Variants in BICD1 observed in about 807,000 individuals in gnomAD.
BICD1 encodes protein bicaudal D homolog 1.
In BICD1, 35 loss-of-function variants were observed where a neutral mutation model predicts 92.5. The observed-to-expected ratio is 0.38, with a 90% CI of 0.29 to 0.50. The LOEUF (loss-of-function observed/expected upper bound fraction) is 0.50. Among genes scored for constraint, BICD1 ranks in the 20% least tolerant of loss-of-function variants. The pLI, the probability that BICD1 is intolerant of heterozygous loss-of-function variation, is 0.93. For missense variants in BICD1, 950 were observed against 1,189.8 expected, an observed-to-expected ratio of 0.80 and a Z score of 2.97; for synonymous variants, 429 against 465.1, an observed-to-expected ratio of 0.92 and a Z score of 1.00.
intron 8 of BICD1, among the ~76,000 whole-genome samples, chr12:32,343,864 T>C (rs368612321): frequency 3.3e-5 from 5 of 152,246 alleles, no homozygotes; most frequent in Admixed American, 3.3e-4. Flanking sequence ...GACATGTTCA[T>C]AGTAAAAACT....
intron 1 of BICD1, among the ~76,000 whole-genome samples, chr12:32,142,470 C>CTATCTATCTATCTATCTATT (rs1942970761): frequency 1.7e-5 from 2 of 118,810 alleles, no homozygotes; most frequent in Admixed American, 2.1e-4. Context: ...ATCTATCTAT[C>CTATCTATCTATCTATCTATT]TATCTATCTA....
intron 2 of BICD1, among the ~76,000 whole-genome samples, chr12:32,281,099 C>T (rs1202135941): frequency 6.6e-6 from 1 of 152,176 alleles, no homozygotes; most frequent in Non-Finnish European, 1.5e-5. Context: ...CTCCGTAGAA[C>T]TAGCCTCTGC....
intron 8 of BICD1, among the ~76,000 whole-genome samples, chr12:32,342,183 T>C (rs1450753328): frequency 8.0e-6 from 1 of 125,218 alleles, no homozygotes; most frequent in African/African-American, 3.1e-5. Context: ...TATATGTGTG[T>C]ATATATATAT....
chr12:32,315,909 G>A (rs1249232715), intron 4 of BICD1, among the ~76,000 whole-genome samples: 1 of 152,060 alleles, frequency 6.6e-6, no homozygotes, highest in Non-Finnish European at 1.5e-5. Context: ...GCTGAGATGC[G>A]TGGATCATCT....
intron 1 of BICD1, among the ~76,000 whole-genome samples, chr12:32,177,427 A>G (rs1192985176): frequency 6.6e-6 from 1 of 150,706 alleles, no homozygotes; most frequent in African/African-American, 2.4e-5. Context: ...GTTGATCTGG[A>G]GGAGTTTCTG....
chr12:32,334,476 CTGA>C, intron 5 of BICD1, 37 bp from the exon 6 acceptor site: 2 of 1,555,028 alleles, frequency 1.3e-6, no homozygotes, highest in Non-Finnish European at 1.7e-6. Flanking sequence ...ATGGATTTTC[CTGA>C]TATGAAAATT....
chr12:32,295,513 CT>C (rs1370273516), intron 3 of BICD1, among the ~76,000 whole-genome samples: 1 of 152,000 alleles, frequency 6.6e-6, no homozygotes, highest in Admixed American at 6.5e-5. Context: ...CAGATGTATG[CT>C]TTTACCTCAC....
intron 1 of BICD1, among the ~76,000 whole-genome samples, chr12:32,174,600 T>A (rs1480324884): frequency 6.6e-6 from 1 of 152,242 alleles, no homozygotes; most frequent in African/African-American, 2.4e-5. Context: ...TCTTGCCCTA[T>A]GAAATGAGTT....
At chr12:32,369,440 A>C (rs531494759) in intron 9 of BICD1, among the ~76,000 whole-genome samples, 9 of 152,260 alleles carry the variant, frequency 5.9e-5, no homozygotes, top group Non-Finnish European at 1.0e-4. Context: ...TGAGGAGTAG[A>C]TGTCAGTAGC....
intron 1 of BICD1, among the ~76,000 whole-genome samples, chr12:32,197,466 A>G (rs1414507186): frequency 1.3e-5 from 2 of 152,204 alleles, no homozygotes; most frequent in Non-Finnish European, 2.9e-5. Flanking sequence ...TCTGCTTATA[A>G]TTATCAGTTT....
At chr12:32,289,792 T>A (rs947743300) in intron 2 of BICD1, among the ~76,000 whole-genome samples, 2 of 152,254 alleles carry the variant, frequency 1.3e-5, no homozygotes, top group African/African-American at 4.8e-5. Flanking sequence ...AATTCAGGCA[T>A]ATTTGCTTAA....
intron 2 of BICD1, among the ~76,000 whole-genome samples, chr12:32,254,937 C>T (rs1946676554): frequency 6.6e-6 from 1 of 152,170 alleles, no homozygotes; most frequent in Non-Finnish European, 1.5e-5. Flanking sequence ...GAGATTCATT[C>T]ATTCTTCTTG....
chr12:32,284,080 G>A (rs1460931349), intron 2 of BICD1, among the ~76,000 whole-genome samples: 1 of 152,224 alleles, frequency 6.6e-6, no homozygotes, highest in Non-Finnish European at 1.5e-5. Context: ...AAATCCCTGT[G>A]GGGTGGGGGG....
intron 8 of BICD1, among the ~76,000 whole-genome samples, chr12:32,340,899 T>C (rs1938340380): frequency 6.6e-6 from 1 of 152,210 alleles, no homozygotes; most frequent in South Asian, 2.1e-4. Context: ...TCTATTACAT[T>C]TTTCTCAAGA....
chr12:32,298,147 T>C (rs1947924354), intron 3 of BICD1, among the ~76,000 whole-genome samples: 1 of 148,832 alleles, frequency 6.7e-6, no homozygotes, highest in African/African-American at 2.5e-5. Flanking sequence ...CACACCTCTG[T>C]ACTCCAGCCT....
intron 1 of BICD1, among the ~76,000 whole-genome samples, chr12:32,178,926 C>T (rs949880866): frequency 6.6e-6 from 1 of 151,954 alleles, no homozygotes; most frequent in African/African-American, 2.4e-5. Flanking sequence ...TTGCATGAGG[C>T]TCTTGCATCA....
At chr12:32,111,329 A>G (rs900718905) in intron 1 of BICD1, among the ~76,000 whole-genome samples, 16 of 152,244 alleles carry the variant, frequency 1.1e-4, no homozygotes, top group African/African-American at 3.1e-4. Flanking sequence ...ACACAAAAAT[A>G]TGTACTTACA....
At chr12:32,286,489 T>C (rs1220271967) in intron 2 of BICD1, among the ~76,000 whole-genome samples, 1 of 152,246 alleles carries the variant, frequency 6.6e-6, no homozygotes, top group African/African-American at 2.4e-5. Flanking sequence ...AATTTGACTT[T>C]ATAGCCAAAT....
chr12:32,300,627 C>G (rs924727654), intron 3 of BICD1, among the ~76,000 whole-genome samples: 2 of 126,000 alleles, frequency 1.6e-5, no homozygotes, highest in African/African-American at 6.0e-5. Flanking sequence ...GATGACTTTA[C>G]AGTATTTTTT....
Sources: gnomAD v4.1 joint callset for allele counts (sites outside exome capture counted in the v4.1 genomes callset) on GRCh38, gnomAD v4.1.1 for gene constraint, MANE v1.5 for transcripts, NCBI Gene and HGNC (gene_info 2026-07-23, HGNC 2026-07-21) for gene names.